FKBP5: variants seen among roughly 807,000 people sequenced by gnomAD.
The protein encoded by FKBP5 is FKBP prolyl isomerase 5.
A neutral mutation model predicts 50.5 loss-of-function variants in FKBP5; 23 were observed. The ratio of observed to expected loss-of-function variants is 0.46; its 90% CI spans 0.33 to 0.65. The LOEUF (loss-of-function observed/expected upper bound fraction) is 0.65, where lower values mean the gene tolerates loss of function less well. FKBP5 is among the 30% of genes least tolerant of loss of function. FKBP5 has a pLI of 0.02. For synonymous variants in FKBP5, 176 were observed against 190.6 expected, an observed-to-expected ratio of 0.92 and a Z score of 0.63; for missense variants, 411 against 553.1, an observed-to-expected ratio of 0.74 and a Z score of 2.58.
upstream of FKBP5, among the ~76,000 whole-genome samples, chr6:35,689,930 G>A (rs1057062451): frequency 2.0e-5 from 3 of 152,298 alleles, no homozygotes; most frequent in Non-Finnish European, 4.4e-5. Context: ...CTCCCATAGA[G>A]ATGCAGGAGC....
At chr6:35,696,763 A>T (rs766344928) in intron 2 of FKBP5, among the ~76,000 whole-genome samples, 5 of 152,224 alleles carry the variant, frequency 3.3e-5, no homozygotes, top group Admixed American at 6.5e-5. Context: ...TTTAAGAAGA[A>T]AAACAAAGTA....
intron 9 of FKBP5, 56 bp downstream of exon 9, chr6:35,579,980 G>T: frequency 7.7e-7 from 1 of 1,301,610 alleles, no homozygotes. Context: ...AAAAGACAGA[G>T]ATGGAGAAAA....
At chr6:35,591,102 AATTTT>A in intron 7 of FKBP5, 23 bp downstream of exon 7, 3 of 1,463,614 alleles carry the variant, frequency 2.0e-6, no homozygotes, top group Non-Finnish European at 2.9e-6. Flanking sequence ...AACCTACCAT[AATTTT>A]AAGGAAGTTG....
chr6:35,589,128 A>ATATATTTTT (rs1427010607), intron 7 of FKBP5, among the ~76,000 whole-genome samples: 3 of 121,544 alleles, frequency 2.5e-5, no homozygotes, highest in African/African-American at 6.4e-5. Flanking sequence ...ATATATATAT[A>ATATATTTTT]TTTTTTTTTT....
At chr6:35,720,720 C>G (rs902839279) in intron 1 of FKBP5, among the ~76,000 whole-genome samples, 1 of 152,228 alleles carries the variant, frequency 6.6e-6, no homozygotes. Flanking sequence ...CTCTCTTTCT[C>G]TGTGCATGTC....
intron 8 of FKBP5, chr6:35,584,755 A>G (rs1762550355): frequency 4.1e-6 from 4 of 985,358 alleles, no homozygotes; most frequent in South Asian, 4.7e-5. Context: ...TTTTTCCCCA[A>G]TGGACTAATG....
At chr6:35,724,770 A>G (rs1317736504) in intron 1 of FKBP5, among the ~76,000 whole-genome samples, 1 of 151,880 alleles carries the variant, frequency 6.6e-6, no homozygotes, top group African/African-American at 2.4e-5. Flanking sequence ...AAAAAAAAAA[A>G]AAGGTGCTGG....
At chr6:35,577,765 A>T (rs1762267173) in intron 9 of FKBP5, among the ~76,000 whole-genome samples, 1 of 152,220 alleles carries the variant, frequency 6.6e-6, no homozygotes, top group African/African-American at 2.4e-5. Flanking sequence ...CATAGAAAAT[A>T]AGAGTTAAGG....
intron 5 of FKBP5, among the ~76,000 whole-genome samples, chr6:35,612,261 C>T (rs528040983): frequency 2.0e-5 from 3 of 152,146 alleles, no homozygotes; most frequent in South Asian, 4.2e-4. Flanking sequence ...TGTGGTGGCA[C>T]GTGCCTGTAG....
rs1764332734 is a variant in FKBP5 at position 35,637,135 on chromosome 6, A to G, written c.129T>C (p.Gly43=). 1.2e-6 allele frequency: 2 copies of G among 1,608,562 alleles called. No individual in the cohort carries two copies. The highest frequency in any genetic ancestry group is 2.2e-5 in the South Asian group (2 of 89,452). The change falls in exon 3 of 11, where the codon GGT becomes GGC. Residue 43 remains glycine, a synonymous_variant. Transcript: ENST00000357266. ...TGTCTCCAATCATCGGCGTTTCCTCACCATTCCCCACTCTTTTGACAATCT... is the reference window on the plus strand; with the variant it reads ...TGTCTCCAATCATCGGCGTTTCCTCGCCATTCCCCACTCTTTTGACAATCT... ...VLKIVKRVGN[G]EETPMIGDKV...
chr6:35,726,409 C>A (rs989631610), intron 1 of FKBP5, among the ~76,000 whole-genome samples: 3 of 152,098 alleles, frequency 2.0e-5, no homozygotes, highest in African/African-American at 7.2e-5. Flanking sequence ...GCCCTCCAAG[C>A]CTCCCAATCC....
chr6:35,586,590 GA>G, intron 8 of FKBP5: 5 of 983,358 alleles, frequency 5.1e-6, no homozygotes, highest in Non-Finnish European at 4.8e-6. Flanking sequence ...AAGAAAGGGA[GA>G]CCCTGTCTCT....
At chr6:35,702,872 T>A (rs1766215735) in intron 2 of FKBP5, among the ~76,000 whole-genome samples, 1 of 152,172 alleles carries the variant, frequency 6.6e-6, no homozygotes, top group Non-Finnish European at 1.5e-5. Flanking sequence ...TGTGACTTTG[T>A]GTTAAACAAA....
chr6:35,674,643 CTAAG>C (rs1168904169), intron 1 of FKBP5, among the ~76,000 whole-genome samples: 1 of 152,228 alleles, frequency 6.6e-6, no homozygotes, highest in Non-Finnish European at 1.5e-5. Context: ...CGGAACCATT[CTAAG>C]TGTTTTACAT....
chr6:35,725,926 GA>G (rs1290208873), intron 1 of FKBP5, among the ~76,000 whole-genome samples: 1 of 152,164 alleles, frequency 6.6e-6, no homozygotes, highest in Non-Finnish European at 1.5e-5. Flanking sequence ...GCACCGCAGG[GA>G]AAGTCCTGAT....
chr6:35,588,968 C>A (rs1762706281), intron 7 of FKBP5, among the ~76,000 whole-genome samples: 1 of 150,514 alleles, frequency 6.6e-6, no homozygotes, highest in Non-Finnish European at 1.5e-5. Context: ...GTTTTGAACT[C>A]CTCGGCTCAA....
At chr6:35,646,721 A>G (rs114926282) in intron 1 of FKBP5, among the ~76,000 whole-genome samples, 147 of 152,334 alleles carry the variant, frequency 9.6e-4, no homozygotes, top group African/African-American at 3.2e-3. Context: ...AATCTATGAT[A>G]AAGCTTACTG....
intron 1 of FKBP5, among the ~76,000 whole-genome samples, chr6:35,686,938 T>C (rs1284075381): frequency 6.6e-6 from 1 of 152,236 alleles, no homozygotes; most frequent in Non-Finnish European, 1.5e-5. Context: ...TAGCTTGTTA[T>C]GGAGAAATAA....
intron 2 of FKBP5, among the ~76,000 whole-genome samples, chr6:35,703,367 A>G (rs1309496872): frequency 6.6e-6 from 1 of 152,046 alleles, no homozygotes; most frequent in Non-Finnish European, 1.5e-5. Context: ...GGCTGAGATC[A>G]AGCTGCTGTC....
Sources: allele counts gnomAD v4.1 joint callset (sites outside exome capture counted in the v4.1 genomes callset), GRCh38; gene constraint gnomAD v4.1.1; transcripts MANE v1.5; gene names NCBI Gene and HGNC (gene_info 2026-07-23, HGNC 2026-07-21).